ST3GAL6: variants seen among roughly 807,000 people sequenced by gnomAD.
ST3GAL6 encodes type 2 lactosamine alpha-2,3-sialyltransferase.
A neutral mutation model predicts 40.5 loss-of-function variants in ST3GAL6; 31 were observed. The observed-to-expected ratio is 0.77, with a 90% CI of 0.58 to 1.03. The LOEUF (loss-of-function observed/expected upper bound fraction) is 1.03, where lower values mean the gene tolerates loss of function less well. Among genes scored for constraint, ST3GAL6 ranks in the 50% least tolerant of loss-of-function variants. The probability of loss-of-function intolerance (pLI) is 0.00; values close to 1 mark genes in which losing one functional copy is unlikely to be tolerated. For synonymous variants in ST3GAL6, 129 were observed against 136.9 expected (o/e 0.94, Z 0.40); for missense variants, 357 against 393.2 (o/e 0.91, Z 0.78).
intron 1 of ST3GAL6, among the ~76,000 whole-genome samples, chr3:98,757,168 G>T (rs1359316672): frequency 6.6e-6 from 1 of 152,162 alleles, no homozygotes; most frequent in Non-Finnish European, 1.5e-5. Context: ...ATGAATATAT[G>T]CAGGCACTCA....
intron 3 of ST3GAL6, among the ~76,000 whole-genome samples, chr3:98,772,078 T>C (rs1939058515): frequency 6.6e-6 from 1 of 152,176 alleles, no homozygotes; most frequent in African/African-American, 2.4e-5. Flanking sequence ...TCCATAACTT[T>C]AGTGAAAAAA....
intron 1 of ST3GAL6, among the ~76,000 whole-genome samples, chr3:98,739,452 G>A (rs1304167155): frequency 6.6e-6 from 1 of 151,910 alleles, no homozygotes; most frequent in East Asian, 1.9e-4. Context: ...TTGTCTTTGA[G>A]CTGATTCTAT....
At chr3:98,738,087 G>A (rs10470451) in intron 1 of ST3GAL6, among the ~76,000 whole-genome samples, 5 of 91,558 alleles carry the variant, frequency 5.5e-5, no homozygotes, top group African/African-American at 1.5e-4. Flanking sequence ...GCCTCCCCCC[G>A]CCCTCCCCCC....
rs1937438458 is a variant in ST3GAL6 at position 98,756,613 on chromosome 3, C to T, written c.-11-11817C>T. On this transcript the variant is annotated intron_variant, in intron 1 of 9. Coordinates refer to the ST3GAL6 transcript ENST00000265261. ...CTTGAGCACTTGTAATGTTCTTATA[C>T]AATGCTTCTCTTGTGGGTGATGTTA... is the stretch of plus-strand genomic sequence containing the variant. 5.5e-6 allele frequency: 6 copies of T among 1,095,376 alleles called. No individual in the cohort carries two copies. In the South Asian group the frequency reaches 1.1e-4, roughly 20 times the overall value. The allele number at this position is 1,095,376 out of a possible 1,614,324, so 67.9% of individuals were successfully genotyped here.
intron 3 of ST3GAL6, chr3:98,771,173 A>G: frequency 1.4e-6 from 2 of 1,472,636 alleles, no homozygotes; most frequent in Non-Finnish European, 9.0e-7. Context: ...CAATCAAACC[A>G]GTATTCTTTT....
At chr3:98,733,010 G>C in intron 1 of ST3GAL6, 1 of 1,451,894 alleles carries the variant, frequency 6.9e-7, no homozygotes, top group South Asian at 1.4e-5. Flanking sequence ...TGCACTGCCC[G>C]GGTGAGGGAA....
At chr3:98,760,945 T>G (rs1218851646), upstream of ST3GAL6, among the ~76,000 whole-genome samples, 1 of 152,164 alleles carries the variant, frequency 6.6e-6, no homozygotes, top group Non-Finnish European at 1.5e-5. Flanking sequence ...AAAAGTATTA[T>G]GTTAATTGAC....
intron 1 of ST3GAL6, among the ~76,000 whole-genome samples, chr3:98,764,463 G>A (rs1216330869): frequency 6.6e-6 from 1 of 152,162 alleles, no homozygotes; most frequent in Admixed American, 6.5e-5. Context: ...AGTATTATAA[G>A]CTTTACCTCC....
At chr3:98,747,549 G>A (rs1396395509) in intron 1 of ST3GAL6, among the ~76,000 whole-genome samples, 1 of 152,160 alleles carries the variant, frequency 6.6e-6, no homozygotes, top group Non-Finnish European at 1.5e-5. Context: ...GGCAAAAAGT[G>A]ATTTGGCTCC....
At chr3:98,733,041 G>A (rs1935175707) in intron 1 of ST3GAL6, 4 of 1,421,960 alleles carry the variant, frequency 2.8e-6, no homozygotes, top group Non-Finnish European at 3.7e-6. Context: ...CGGGAAGACC[G>A]GTCTGGGCCG....
intron 1 of ST3GAL6, among the ~76,000 whole-genome samples, chr3:98,755,109 A>G (rs1228849038): frequency 6.6e-6 from 1 of 152,114 alleles, no homozygotes; most frequent in Non-Finnish European, 1.5e-5. Context: ...GTGCAGTGGC[A>G]CAATCTCGGT....
At chr3:98,755,628 A>G (rs1231669407) in intron 1 of ST3GAL6, among the ~76,000 whole-genome samples, 7 of 152,226 alleles carry the variant, frequency 4.6e-5, no homozygotes, top group African/African-American at 1.4e-4. Context: ...TATTAATACC[A>G]TAATAATGGA....
chr3:98,763,234 A>G, upstream of ST3GAL6: 1 of 1,228,148 alleles, frequency 8.1e-7, no homozygotes, highest in Non-Finnish European at 1.0e-6. Context: ...TCATGTAGGC[A>G]TGTGACTGCA....
At chr3:98,744,019 T>A (rs1380247498) in intron 1 of ST3GAL6, among the ~76,000 whole-genome samples, 1 of 150,488 alleles carries the variant, frequency 6.6e-6, no homozygotes, top group Non-Finnish European at 1.5e-5. Flanking sequence ...CACACTGGAG[T>A]AGGGTGGGTC....
intron 5 of ST3GAL6, among the ~76,000 whole-genome samples, chr3:98,780,220 C>G (rs1212408370): frequency 1.3e-5 from 2 of 152,168 alleles, no homozygotes; most frequent in Non-Finnish European, 2.9e-5. Context: ...CTGTACCATT[C>G]CATACTTCCC....
intron 6 of ST3GAL6, 117 bp from the exon 7 acceptor site, chr3:98,787,917 GCT>G (rs1383029356): frequency 1.3e-6 from 1 of 770,794 alleles, no homozygotes; most frequent in African/African-American, 1.8e-5. Flanking sequence ...TTGCTTTGTG[GCT>G]TCAGAGCACA....
intron 2 of ST3GAL6, among the ~76,000 whole-genome samples, chr3:98,770,128 G>T (rs1216261215): frequency 6.6e-6 from 1 of 152,166 alleles, no homozygotes; most frequent in East Asian, 1.9e-4. Context: ...GATTATAGAA[G>T]AAAATTGATT....
intron 1 of ST3GAL6, among the ~76,000 whole-genome samples, chr3:98,766,278 A>C (rs985853499): frequency 1.3e-5 from 2 of 152,142 alleles, no homozygotes; most frequent in Non-Finnish European, 2.9e-5. Context: ...ATACATAGGA[A>C]TTTTGACTTG....
In ST3GAL6 at chr3:98,781,474, T is replaced by TAA. The variant is rs36013913; in HGVS notation, c.336-3457_336-3456dup. 4.6e-3 allele frequency among the ~76,000 whole-genome samples: 660 copies of TAA among 143,100 alleles called. 4 individuals are homozygous for TAA. The highest frequency in any genetic ancestry group is 0.01 in the African/African-American group (400 of 38,788). The allele number at this position is 143,100 out of a possible 152,430, so 93.9% of individuals were successfully genotyped here. On this transcript the variant is annotated intron_variant, in intron 5 of 9. Coordinates refer to ENST00000483910, the MANE Select transcript of ST3GAL6 (RefSeq NM_001323368.2). The stretch of plus-strand genomic sequence containing the variant: ...CACATGTATCCCAGAACTTAAAGTA[T>TAA]AAAAAAAAAAAAAAATAGACTGAGC...
Sources: allele counts gnomAD v4.1 joint callset (sites outside exome capture counted in the v4.1 genomes callset), GRCh38; gene constraint gnomAD v4.1.1; transcripts MANE v1.5; gene names NCBI Gene and HGNC (gene_info 2026-07-23, HGNC 2026-07-21).